The following STN1 variants were observed in gnomAD, a reference collection of about 807,000 sequenced individuals.
STN1 encodes the protein CST complex subunit STN1.
Under a neutral mutation model 45.5 loss-of-function variants are expected in STN1, and 29 were observed. The observed-to-expected ratio is 0.64, with a 90% CI of 0.47 to 0.87. The LOEUF (loss-of-function observed/expected upper bound fraction) is 0.87. STN1 is among the 40% of genes least tolerant of loss of function. The pLI is 0.00. For missense variants in STN1, 376 were observed against 441.4 expected (o/e 0.85, Z 1.33); for synonymous variants, 148 against 159.0 (o/e 0.93, Z 0.52).
rs1436936314 is a variant in STN1 at position 103,909,440 on chromosome 10, A to ATG, written c.229+1086_229+1087insCA. On this transcript the variant is annotated intron_variant, in intron 3 of 9. Transcript: ENST00000224950. ...TGTATATATGTATATATATGTATAT[A>ATG]TATGTATATATGTATATATGTATAT... Among the ~76,000 whole-genome samples the ATG allele has an allele frequency of 2.9e-3, 176 of 59,910 alleles. 5 individuals carry two copies. Among genetic ancestry groups the ATG allele is most frequent in the Non-Finnish European group, 5.1e-3 (136 of 26,828 alleles). 39.3% of individuals were successfully genotyped at this position (59,910 alleles called of 152,430 possible). A position where few individuals can be genotyped will look rare whatever the true frequency, so the allele number is the denominator to read the frequency against.
At chr10:103,888,706 G>C (rs1843118988) in intron 9 of STN1, among the ~76,000 whole-genome samples, 1 of 152,170 alleles carries the variant, frequency 6.6e-6, no homozygotes, top group African/African-American at 2.4e-5. Context: ...AAATCAGAGA[G>C]AACATGAGAA....
rs974481002 is a variant in STN1, at chr10:103,877,673, A to G, written c.*5011T>C. 6.6e-6 allele frequency: 1 copy of G among 152,238 alleles called. No homozygotes were observed. Among genetic ancestry groups the G allele is most frequent in the Non-Finnish European group, 1.5e-5 (1 of 68,044 alleles). 9.4% of individuals were successfully genotyped at this position (152,238 alleles called of 1,614,324 possible). A position where few individuals can be genotyped will look rare whatever the true frequency, so the allele number is the denominator to read the frequency against. On this transcript the variant is annotated 3_prime_UTR_variant, in exon 10 of 10. Transcript: ENST00000224950. ...TGATTTAAAAACATTCTGGATTACA[A>G]TGAAAACTCACTTATGTGGGAGTTT...
intron 6 of STN1, 27 bp downstream of exon 6, chr10:103,898,850 G>A: frequency 6.2e-7 from 1 of 1,612,742 alleles, no homozygotes; most frequent in African/African-American, 1.3e-5. Flanking sequence ...GTGGTCACGT[G>A]CTCAGCAGTG....
At chr10:103,907,318 G>C (rs999851782) in intron 3 of STN1, among the ~76,000 whole-genome samples, 2 of 152,178 alleles carry the variant, frequency 1.3e-5, no homozygotes, top group Non-Finnish European at 2.9e-5. Context: ...CGTAGTATAT[G>C]AGAATAAAAA....
Position 103,896,750 on chromosome 10 carries a change from G to A in STN1, c.753+798C>T, listed in dbSNP as rs573063653. 6.6e-5 allele frequency among the ~76,000 whole-genome samples: 10 copies of A among 152,036 alleles called. No homozygotes were observed. In the East Asian group the frequency reaches 1.7e-3, roughly 27 times the overall value. On this transcript the variant is annotated intron_variant, in intron 7 of 9. Coordinates refer to ENST00000224950, the MANE Select transcript of STN1 (RefSeq NM_024928.5). ...AAGATTTCACCATTTTGGCTAGGCTGGTCTTGAACTCCTGGCCTCAAGTGA... is the reference window on the plus strand; with the variant it reads ...AAGATTTCACCATTTTGGCTAGGCTAGTCTTGAACTCCTGGCCTCAAGTGA...
intron 4 of STN1, among the ~76,000 whole-genome samples, chr10:103,901,228 T>C (rs2475214): frequency 0.4 from 61,030 of 152,074 alleles, 12,615 homozygotes; most frequent in East Asian, 0.66. Context: ...AATACACATA[T>C]GTATCCAAAG....
At chr10:103,885,522 G>C (rs1323240977) in intron 9 of STN1, among the ~76,000 whole-genome samples, 1 of 152,184 alleles carries the variant, frequency 6.6e-6, no homozygotes, top group Non-Finnish European at 1.5e-5. Context: ...CTGTTCAAAA[G>C]TGATCTCCAG....
At chr10:103,911,904 G>A (rs867536131) in intron 2 of STN1, among the ~76,000 whole-genome samples, 1 of 152,128 alleles carries the variant, frequency 6.6e-6, no homozygotes, top group African/African-American at 2.4e-5. Context: ...GAATGAACAA[G>A]GAGCTTCTAA....
At chr10:103,906,012 A>G (rs1843238326) in intron 3 of STN1, among the ~76,000 whole-genome samples, 1 of 152,204 alleles carries the variant, frequency 6.6e-6, no homozygotes, top group Non-Finnish European at 1.5e-5. Flanking sequence ...TTAAAAAAAA[A>G]TCATCAACTA....
chr10:103,893,901 C>T (rs1843155602), intron 7 of STN1, among the ~76,000 whole-genome samples: 1 of 152,140 alleles, frequency 6.6e-6, no homozygotes, highest in Non-Finnish European at 1.5e-5. Context: ...TCATTAGAGC[C>T]CCCAAACCGA....
At chr10:103,890,421 TGAAG>T (rs1843132524) in intron 8 of STN1, among the ~76,000 whole-genome samples, 1 of 152,178 alleles carries the variant, frequency 6.6e-6, no homozygotes, top group Non-Finnish European at 1.5e-5. Context: ...AGTGGAGAGA[TGAAG>T]TCAGAGATGG....
At chr10:103,905,053 T>A (rs755508289) in intron 4 of STN1, 38 bp downstream of exon 4, 3 of 1,563,590 alleles carry the variant, frequency 1.9e-6, no homozygotes, top group Non-Finnish European at 2.6e-6. Flanking sequence ...AATCCATTAG[T>A]TAGGTGAAAA....
chr10:103,914,351 TATATATATATATATATA>T (rs1382834462), intron 2 of STN1, among the ~76,000 whole-genome samples: 1 of 15,144 alleles, frequency 6.6e-5, no homozygotes, highest in Admixed American at 8.4e-4. Context: ...TATATATATA[TATATATATATATATATA>T]TATATATTTT....
intron 3 of STN1, among the ~76,000 whole-genome samples, chr10:103,908,497 A>G (rs1285965855): frequency 6.6e-6 from 1 of 152,248 alleles, no homozygotes; most frequent in Non-Finnish European, 1.5e-5. Context: ...CAGGGGAAGC[A>G]GAACCCAGAA....
intron 3 of STN1, among the ~76,000 whole-genome samples, chr10:103,909,084 T>C (rs573006758): frequency 1.8e-4 from 27 of 152,064 alleles, no homozygotes; most frequent in African/African-American, 6.0e-4. Context: ...CTGTACTTTC[T>C]GTTTCAAAAG....
At chr10:103,899,172 A>T (rs59266366) in intron 5 of STN1, among the ~76,000 whole-genome samples, 172 bp from the exon 6 acceptor site, 2 of 152,230 alleles carry the variant, frequency 1.3e-5, no homozygotes, top group Non-Finnish European at 1.5e-5. Context: ...GCTCCCAGTC[A>T]TCCTGCATGA....
chr10:103,910,162 C>T (rs1240077745), intron 3 of STN1, among the ~76,000 whole-genome samples: 3 of 152,176 alleles, frequency 2.0e-5, no homozygotes, highest in Non-Finnish European at 2.9e-5. Flanking sequence ...ATCTGGTCTT[C>T]GCTTTTTAAA....
At chr10:103,884,700 G>A (rs967438855) in intron 9 of STN1, among the ~76,000 whole-genome samples, 3 of 152,168 alleles carry the variant, frequency 2.0e-5, no homozygotes, top group African/African-American at 7.2e-5. Context: ...TGCGGTGTGA[G>A]GCAAAGCACG....
intron 9 of STN1, 143 bp downstream of exon 9, chr10:103,888,929 G>A: frequency 1.6e-6 from 1 of 620,004 alleles, no homozygotes; most frequent in Non-Finnish European, 3.0e-6. Flanking sequence ...GGAGGCTCAG[G>A]GAGGGCAGGT....
Sources: allele counts gnomAD v4.1 joint callset (sites outside exome capture counted in the v4.1 genomes callset), GRCh38; gene constraint gnomAD v4.1.1; transcripts MANE v1.5; gene names NCBI Gene and HGNC (gene_info 2026-07-23, HGNC 2026-07-21).